The following PRRC2C variants were observed in gnomAD, a reference collection of about 807,000 sequenced individuals.
PRRC2C encodes proline rich coiled-coil 2C, also known as protein PRRC2C.
In PRRC2C, 72 loss-of-function variants were observed where a neutral mutation model predicts 317.2. That is an observed-to-expected ratio of 0.23 (90% CI 0.19 to 0.28). The LOEUF (loss-of-function observed/expected upper bound fraction) is 0.28, where lower values mean the gene tolerates loss of function less well. Among genes scored for constraint, PRRC2C ranks in the 10% least tolerant of loss-of-function variants. The pLI, the probability that PRRC2C is intolerant of heterozygous loss-of-function variation, is 1.00. For missense variants in PRRC2C, 3,074 were observed against 3,459.7 expected (o/e 0.89, Z 2.80); for synonymous variants, 1,296 against 1,205.9 (o/e 1.07, Z -1.55).
chr1:171,577,395 A>G, intron 25 of PRRC2C, 39 bp from the exon 26 acceptor site: 2 of 1,488,628 alleles, frequency 1.3e-6, no homozygotes, highest in Non-Finnish European at 1.9e-6. Context: ...ACTTTTAAAT[A>G]TGCTCTATTT....
chr1:171,542,738 T>A (rs796683970), intron 16 of PRRC2C, among the ~76,000 whole-genome samples: 8 of 152,228 alleles, frequency 5.3e-5, no homozygotes, highest in African/African-American at 1.9e-4. Context: ...ATATTTTTTC[T>A]CAAGTAAGCT....
Position 171,557,533 on chromosome 1 carries a change from C to G in PRRC2C, c.5421C>G (p.Pro1807=), listed in dbSNP as rs779779607. The G allele has an allele frequency of 1.3e-6, 2 of 1,551,556 alleles. No individual in the cohort carries two copies. The highest frequency in any genetic ancestry group is 1.7e-6 in the Non-Finnish European group (2 of 1,146,956). ...ASTSAPVPAS[P]LAPVSASASV... ...CCTCAGCTCCAGTTCCAGCCTCACC[C>G]TTAGCTCCAGTTTCAGCCTCAGCCT... The change falls in exon 19 of 35, where the codon CCC becomes CCG. Residue 1807 remains proline, a synonymous_variant. Coordinates refer to ENST00000647382, the MANE Select transcript of PRRC2C (RefSeq NM_001387844.1).
intron 18 of PRRC2C, among the ~76,000 whole-genome samples, chr1:171,552,352 G>A (rs1428738862): frequency 2.0e-5 from 3 of 152,166 alleles, no homozygotes; most frequent in Non-Finnish European, 2.9e-5. Context: ...TCAGCTTAAG[G>A]AGATTTTGGG....
At chr1:171,571,021 A>G (rs1171483162) in intron 23 of PRRC2C, among the ~76,000 whole-genome samples, 1 of 152,212 alleles carries the variant, frequency 6.6e-6, no homozygotes, top group Non-Finnish European at 1.5e-5. Context: ...TGATTTATGT[A>G]CATATTAAAA....
chr1:171,569,898 A>C (rs1263884404), intron 23 of PRRC2C, among the ~76,000 whole-genome samples: 1 of 152,046 alleles, frequency 6.6e-6, no homozygotes, highest in Non-Finnish European at 1.5e-5. Flanking sequence ...TTATTCTCAG[A>C]ACCCTTAAAA....
intron 15 of PRRC2C, 123 bp from the exon 16 acceptor site, chr1:171,539,848 G>T: frequency 1.1e-6 from 1 of 884,770 alleles, no homozygotes; most frequent in Non-Finnish European, 1.7e-6. Context: ...TATATAGCGA[G>T]AGAAAGATTC....
chr1:171,551,406 T>A (rs1367655841), intron 18 of PRRC2C, among the ~76,000 whole-genome samples: 1 of 152,226 alleles, frequency 6.6e-6, no homozygotes, highest in Non-Finnish European at 1.5e-5. Context: ...TCCCATTCTG[T>A]AGGTTGCCTG....
chr1:171,588,476 C>A lies in PRRC2C; in HGVS notation c.8170C>A (p.Gln2724Lys). The change falls in exon 33 of 35, where the codon CAA (glutamine) becomes AAA (lysine). Residue 2724 changes from glutamine to lysine, a missense_variant. Physicochemically the swap from Gln to Lys is moderately conservative, Grantham distance 53. Transcript: ENST00000647382. ...AGCCCCTGCCACTGTGAGAATGACA[C>A]AACCATTTCCTACACAGTTTGCACC... Reference protein sequence around the residue: ...QSAPATVRMTQPFPTQFAPQI... With the variant: ...QSAPATVRMTKPFPTQFAPQI... 6.2e-7 allele frequency: 1 copy of A among 1,613,840 alleles called. No individual in the cohort carries two copies. Among genetic ancestry groups the A allele is most frequent in the Non-Finnish European group, 8.5e-7 (1 of 1,179,774 alleles).
In PRRC2C at chr1:171,540,980, T is replaced by A; in HGVS notation, c.3514T>A (p.Tyr1172Asn). ...AGAATCAACTTTGCCTCCCAGGACC[T>A]ATTGGAAAGAAGCTAGAGAGAGAGA... ...KKESTLPPRT[Y>N]WKEARERDWF... The change falls in exon 16 of 35, where the codon TAT becomes AAT. Residue 1172 changes from tyrosine (Y) to asparagine (N), a missense_variant. By Grantham distance (143) the Tyr-to-Asn change is moderately radical. This residue lies in a region of PRRC2C where 1,320 missense variants were observed against 1,395.7 expected (regional missense o/e 0.95). Transcript: ENST00000647382. 1.2e-6 allele frequency: 2 copies of A among 1,613,918 alleles called. No homozygotes were observed. The highest frequency in any genetic ancestry group is 1.7e-6 in the Non-Finnish European group (2 of 1,179,874).
chr1:171,502,610 A>C (rs943591077), intron 1 of PRRC2C, among the ~76,000 whole-genome samples: 2 of 152,190 alleles, frequency 1.3e-5, no homozygotes, highest in African/African-American at 2.4e-5. Context: ...TTTTCATAAC[A>C]TATCCTAATA....
At position 171,487,550 on chromosome 1, in the gene PRRC2C, T is replaced by A. The variant is rs187566255; in HGVS notation, c.-58+1815T>A. Among the ~76,000 whole-genome samples the A allele has an allele frequency of 3.0e-3, 451 of 152,294 alleles. 2 individuals are homozygous for A. Among genetic ancestry groups the A allele is most frequent in the Non-Finnish European group, 4.4e-3 (296 of 68,022 alleles). On this transcript the variant is annotated intron_variant, in intron 1 of 34. Coordinates refer to ENST00000647382, the MANE Select transcript of PRRC2C (RefSeq NM_001387844.1). ...TTTTTTGTGTCCTTTTCTATTTGAG[T>A]GCTTAGAGATAACTTAAAACTAACT...
Position 171,535,323 on chromosome 1 carries a change from T to C in PRRC2C, c.1874-105T>C, listed in dbSNP as rs1343357860. ...ATAATGTTTTAGAGTGTCGAGGATA[T>C]TTTCTTCCTCATTAACTTTTATTAT... On this transcript the variant is annotated intron_variant, in intron 12 of 34. Coordinates refer to ENST00000647382, the MANE Select transcript of PRRC2C (RefSeq NM_001387844.1). The C allele has an allele frequency of 3.0e-6, 3 of 985,498 alleles. No individual in the cohort carries two copies. The African/African-American group carries it at 5.0e-5, about 16-fold the overall frequency. 61.0% of individuals were successfully genotyped at this position (985,498 alleles called of 1,614,324 possible). A position where few individuals can be genotyped will look rare whatever the true frequency, so the allele number is the denominator to read the frequency against.
chr1:171,567,763 A>G (rs1000995101), intron 22 of PRRC2C, among the ~76,000 whole-genome samples: 3 of 152,242 alleles, frequency 2.0e-5, no homozygotes, highest in Admixed American at 6.5e-5. Flanking sequence ...TTGAAATGCT[A>G]TCATTTTGAT....
chr1:171,544,474 G>A (rs1218490648), intron 16 of PRRC2C, among the ~76,000 whole-genome samples: 1 of 152,154 alleles, frequency 6.6e-6, no homozygotes, highest in Non-Finnish European at 1.5e-5. Context: ...TTAGTTTGCT[G>A]TTCCAGATAA....
chr1:171,548,547 A>G (rs1207224356), intron 17 of PRRC2C, among the ~76,000 whole-genome samples: 2 of 152,186 alleles, frequency 1.3e-5, no homozygotes, highest in Non-Finnish European at 2.9e-5. Context: ...TTGTTTGAAA[A>G]TTAAATAATT....
intron 11 of PRRC2C, among the ~76,000 whole-genome samples, chr1:171,530,224 C>T (rs977496019): frequency 1.4e-5 from 2 of 144,936 alleles, no homozygotes; most frequent in African/African-American, 5.1e-5. Flanking sequence ...ATACATCTGA[C>T]GAAGGACTTG....
In PRRC2C at chr1:171,523,264, C is replaced by T; in HGVS notation, c.877C>T (p.Pro293Ser). ...RGPPPSWASE[P>S]ERPSILSASE... ...CCCACCTCCTTCATGGGCCTCTGAG[C>T]CTGAACGCCCATCCATTCTTAGTGC... is the stretch of plus-strand genomic sequence containing the variant. The change falls in exon 8 of 35, where the codon CCT becomes TCT. Residue 293 changes from proline (P) to serine (S), a missense_variant. Pro to Ser is a moderately conservative substitution (Grantham distance 74, BLOSUM62 -1). Transcript: ENST00000647382. 6.2e-7 allele frequency: 1 copy of T among 1,613,426 alleles called. No individual in the cohort carries two copies. The highest frequency in any genetic ancestry group is 1.1e-5 in the South Asian group (1 of 90,990).
intron 9 of PRRC2C, 150 bp from the exon 10 acceptor site, chr1:171,524,671 T>G: frequency 1.4e-6 from 1 of 703,096 alleles, no homozygotes; most frequent in Non-Finnish European, 2.2e-6. Flanking sequence ...AAGAACAAAT[T>G]AGCACTAATG....
At position 171,525,083 on chromosome 1, in the gene PRRC2C, CTG is replaced by C. The variant is rs569661684; in HGVS notation, c.1200+122_1200+123del. The C allele has an allele frequency of 5.5e-4, 478 of 865,276 alleles. 1 individual carries two copies. The African/African-American group carries it at 7.6e-3, about 14-fold the overall frequency. 53.6% of individuals were successfully genotyped at this position (865,276 alleles called of 1,614,324 possible). On this transcript the variant is annotated intron_variant, in intron 10 of 34. Coordinates refer to ENST00000647382, the MANE Select transcript of PRRC2C (RefSeq NM_001387844.1). ...TGGAACGGGACTTAGAAAAAGGAAA[CTG>C]TGTATTTTTTTCTTGAATAGTCTTG...
Sources: allele counts gnomAD v4.1 joint callset (sites outside exome capture counted in the v4.1 genomes callset), GRCh38; gene constraint gnomAD v4.1.1; regional missense constraint gnomAD v4.1.1; transcripts MANE v1.5; gene names NCBI Gene and HGNC (gene_info 2026-07-23, HGNC 2026-07-21).